PCDH15: variants seen among roughly 807,000 people sequenced by gnomAD.
PCDH15 encodes the protein protocadherin related 15.
PCDH15 carries 129 observed loss-of-function variants against 178.5 expected under a neutral mutation model. The observed-to-expected ratio is 0.72, with a 90% confidence interval of 0.63 to 0.84. The LOEUF (loss-of-function observed/expected upper bound fraction) is 0.84. Among genes scored for constraint, PCDH15 ranks in the 40% least tolerant of loss-of-function variants. PCDH15 has a pLI of 0.00. For missense variants in PCDH15, 2,230 were observed against 2,099.9 expected (o/e 1.06, Z -1.21); for synonymous variants, 800 against 732.0 (o/e 1.09, Z -1.50).
At chr10:55,615,674 C>T (rs1328146260) in intron 2 of PCDH15, among the ~76,000 whole-genome samples, 2 of 151,914 alleles carry the variant, frequency 1.3e-5, no homozygotes, top group Non-Finnish European at 2.9e-5. Flanking sequence ...TCCAGATCAG[C>T]CTGGGCAACA....
intron 2 of PCDH15, among the ~76,000 whole-genome samples, chr10:55,121,509 T>C (rs573673023): frequency 6.6e-6 from 1 of 152,160 alleles, no homozygotes; most frequent in African/African-American, 2.4e-5. Context: ...ATTTTGTATA[T>C]AAGAAGGATA....
rs1327276426 is a variant in PCDH15, at chr10:53,807,089, CT to C, written c.4712del (p.Glu1571GlyfsTer42). 2.5e-6 allele frequency: 4 copies of C among 1,612,408 alleles called. No homozygotes were observed. Among genetic ancestry groups the C allele is most frequent in the Non-Finnish European group, 3.4e-6 (4 of 1,179,370 alleles). Reference protein sequence around the residue: ...KRMIKLVVDREYETSSTGEDS... With the variant: ...KRMIKLVVDRXYETSSTGEDS... ...CTTCTCCAGTTGAGCTGGTTTCATA[CT>C]CTCGATCAACAACTAACTTGATCAT... On this transcript the variant is annotated frameshift_variant, in exon 38 of 38. Transcript: ENST00000644397. LOFTEE classifies it high-confidence loss of function.
rs139593124 is a variant in PCDH15 at position 54,547,404 on chromosome 10, A to C, written c.92-19527T>G. Among the ~76,000 whole-genome samples the C allele has an allele frequency of 7.9e-3, 1,208 of 152,234 alleles. 13 individuals carry two copies. The highest frequency in any genetic ancestry group is 0.027 in the African/African-American group (1,138 of 41,534). On this transcript the variant is annotated intron_variant, in intron 2 of 37. Transcript: ENST00000644397. ...TATTTGTAGAGCTTAAAAATCAATA[A>C]TACTACAATAAAATGAATATTTATG...
intron 2 of PCDH15, among the ~76,000 whole-genome samples, chr10:55,152,357 A>T (rs1020141236): frequency 8.3e-5 from 6 of 72,202 alleles, no homozygotes; most frequent in South Asian, 8.6e-4. Flanking sequence ...CCAAAAAAAA[A>T]TCTGTGCTTA....
intron 1 of PCDH15, among the ~76,000 whole-genome samples, chr10:55,175,675 A>G (rs1203937587): frequency 6.6e-6 from 1 of 151,132 alleles, no homozygotes; most frequent in African/African-American, 2.4e-5. Flanking sequence ...AAAAAAAAAA[A>G]AAAGAAAAAG....
At chr10:55,314,579 C>CA (rs35643186) in intron 1 of PCDH15, among the ~76,000 whole-genome samples, 83,379 of 148,400 alleles carry the variant, frequency 0.56, 23,406 homozygotes, top group Admixed American at 0.61. Context: ...GCTCTCTAAA[C>CA]AAAAAAAAAA....
intron 3 of PCDH15, among the ~76,000 whole-genome samples, chr10:54,388,975 A>C (rs1950225785): frequency 1.3e-5 from 2 of 152,302 alleles, no homozygotes; most frequent in South Asian, 4.1e-4. Flanking sequence ...GAGTATCAGC[A>C]ACAGAAGTAA....
intron 2 of PCDH15, among the ~76,000 whole-genome samples, chr10:54,927,219 T>C (rs1837655423): frequency 6.6e-6 from 1 of 152,098 alleles, no homozygotes; most frequent in Admixed American, 6.6e-5. Context: ...ATCAGGTTAT[T>C]GCATTTCCAC....
chr10:53,917,989 G>A (rs2083669437), intron 25 of PCDH15, among the ~76,000 whole-genome samples: 1 of 152,058 alleles, frequency 6.6e-6, no homozygotes, highest in South Asian at 2.1e-4. Flanking sequence ...GAAGCTTCCT[G>A]AGGCCCTCAT....
intron 3 of PCDH15, among the ~76,000 whole-genome samples, chr10:54,435,956 C>T (rs774769235): frequency 7.5e-5 from 11 of 146,372 alleles, no homozygotes; most frequent in South Asian, 2.2e-4. Flanking sequence ...GGCAACAGAG[C>T]GAGACTCCAT....
chr10:54,554,207 C>T (rs948499704), intron 2 of PCDH15, among the ~76,000 whole-genome samples: 1 of 152,092 alleles, frequency 6.6e-6, no homozygotes, highest in African/African-American at 2.4e-5. Context: ...CACCTGGCCC[C>T]TTACCTCCTG....
intron 2 of PCDH15, among the ~76,000 whole-genome samples, chr10:55,461,397 A>G (rs1164221591): frequency 5.3e-5 from 8 of 152,170 alleles, no homozygotes; most frequent in African/African-American, 1.4e-4. Context: ...ATGTATTTAA[A>G]TATTCCTCTA....
At chr10:55,436,011 G>T (rs10825511) in intron 2 of PCDH15, among the ~76,000 whole-genome samples, 1 of 152,004 alleles carries the variant, frequency 6.6e-6, no homozygotes, top group African/African-American at 2.4e-5. Flanking sequence ...ATAAAAGTTC[G>T]TCATTTTTTA....
chr10:55,365,164 G>C (rs1034579605), intron 2 of PCDH15, among the ~76,000 whole-genome samples: 1 of 152,042 alleles, frequency 6.6e-6, no homozygotes, highest in African/African-American at 2.4e-5. Context: ...TCAATTCTTT[G>C]TAAGTTGTGT....
chr10:53,908,973 T>G (rs1286441470), intron 25 of PCDH15, among the ~76,000 whole-genome samples: 6 of 152,186 alleles, frequency 3.9e-5, no homozygotes, highest in African/African-American at 1.4e-4. Context: ...TGTTTAAGCT[T>G]TACGGGTATA....
At position 54,739,115 on chromosome 10, in the gene PCDH15, T is replaced by C. The variant is rs574215218; in HGVS notation, c.-29+61810A>G. Among the ~76,000 whole-genome samples the C allele has an allele frequency of 3.9e-5, 6 of 152,114 alleles. No homozygotes were observed. The East Asian group carries it at 1.2e-3, about 29-fold the overall frequency. On this transcript the variant is annotated intron_variant, in intron 1 of 37. Transcript: ENST00000644397. Reference sequence around the variant, plus strand: ...GAACATTGTAAAGGAAGAAGTCAAATTGTCCTTTTTTGCAGATGATATGAT... The same window carrying C: ...GAACATTGTAAAGGAAGAAGTCAAACTGTCCTTTTTTGCAGATGATATGAT...
intron 1 of PCDH15, among the ~76,000 whole-genome samples, chr10:55,286,789 T>A (rs1246732485): frequency 6.6e-6 from 1 of 152,050 alleles, no homozygotes; most frequent in African/African-American, 2.4e-5. Context: ...CCATTTCCAG[T>A]ACTCATGATG....
intron 2 of PCDH15, among the ~76,000 whole-genome samples, chr10:55,009,269 T>TGC (rs991466409): frequency 6.6e-6 from 1 of 151,906 alleles, no homozygotes; most frequent in African/African-American, 2.4e-5. Context: ...TGTGTGTGTG[T>TGC]GTGTTTGTGC....
intron 2 of PCDH15, among the ~76,000 whole-genome samples, chr10:54,984,749 G>C (rs1003603600): frequency 1.2e-4 from 19 of 152,192 alleles, no homozygotes; most frequent in African/African-American, 4.3e-4. Context: ...GAGGCAGAAG[G>C]ATCCCTTGAA....
Sources: allele counts gnomAD v4.1 joint callset (sites outside exome capture counted in the v4.1 genomes callset), GRCh38; gene constraint gnomAD v4.1.1; transcripts MANE v1.5; gene names NCBI Gene and HGNC (gene_info 2026-07-23, HGNC 2026-07-21).